ADGRL2: variants seen among roughly 807,000 people sequenced by gnomAD.
ADGRL2 encodes the protein calcium-independent alpha-latrotoxin receptor 2.
In ADGRL2, 44 loss-of-function variants were observed where a neutral mutation model predicts 157.4. The ratio of observed to expected loss-of-function variants is 0.28; its 90% CI spans 0.22 to 0.36. ADGRL2 has a LOEUF of 0.36. ADGRL2 is among the 10% of genes least tolerant of loss of function. ADGRL2 has a pLI of 1.00. For missense variants in ADGRL2, 1,510 were observed against 1,768.9 expected, an observed-to-expected ratio of 0.85 and a Z score of 2.63; for synonymous variants, 585 against 624.7, an observed-to-expected ratio of 0.94 and a Z score of 0.95.
chr1:81,804,564 T>G (rs2088822303), intron 1 of ADGRL2, among the ~76,000 whole-genome samples: 1 of 152,248 alleles, frequency 6.6e-6, no homozygotes, highest in East Asian at 1.9e-4. Context: ...GTTTCTGAAC[T>G]TTTACTGTTT....
At chr1:81,630,487 A>T (rs888583145) in intron 3 of ADGRL2, among the ~76,000 whole-genome samples, 9 of 152,184 alleles carry the variant, frequency 5.9e-5, no homozygotes, top group African/African-American at 1.7e-4. Flanking sequence ...GCAATTTTTT[A>T]AAAAAGGTGA....
At chr1:81,615,603 G>A (rs2081628421) in intron 3 of ADGRL2, among the ~76,000 whole-genome samples, 3 of 152,082 alleles carry the variant, frequency 2.0e-5, no homozygotes, top group Admixed American at 6.5e-5. Context: ...GAGGGTCTGC[G>A]GCTTCAATCT....
At chr1:81,849,208 T>G (rs116735263) in intron 2 of ADGRL2, among the ~76,000 whole-genome samples, 1 of 151,944 alleles carries the variant, frequency 6.6e-6, no homozygotes, top group African/African-American at 2.4e-5. Flanking sequence ...GTGGAAAACC[T>G]TCAGTGACAA....
At chr1:81,634,698 T>C (rs1467513495) in intron 3 of ADGRL2, among the ~76,000 whole-genome samples, 1 of 151,988 alleles carries the variant, frequency 6.6e-6, no homozygotes, top group Non-Finnish European at 1.5e-5. Flanking sequence ...TAATTTTGTA[T>C]TTTTAGTAGA....
chr1:81,371,861 T>C (rs2076166342), intron 1 of ADGRL2, among the ~76,000 whole-genome samples: 1 of 152,202 alleles, frequency 6.6e-6, no homozygotes, highest in Non-Finnish European at 1.5e-5. Context: ...TTGCTGGGAA[T>C]ATTGAAATAA....
At chr1:81,640,812 A>G (rs1374982704) in intron 3 of ADGRL2, among the ~76,000 whole-genome samples, 1 of 152,186 alleles carries the variant, frequency 6.6e-6, no homozygotes, top group Non-Finnish European at 1.5e-5. Flanking sequence ...ATCAGGAACT[A>G]GAGAGCACAG....
intron 2 of ADGRL2, among the ~76,000 whole-genome samples, chr1:81,773,059 A>T (rs1472840026): frequency 6.6e-6 from 1 of 152,196 alleles, no homozygotes; most frequent in Non-Finnish European, 1.5e-5. Context: ...GATGGTGCTT[A>T]TAGTGGGCAG....
At chr1:81,982,296 T>C (rs1661895590) in intron 19 of ADGRL2, among the ~76,000 whole-genome samples, 1 of 152,002 alleles carries the variant, frequency 6.6e-6, no homozygotes, top group Admixed American at 6.6e-5. Flanking sequence ...AACTCATTCT[T>C]TGCTCACTAA....
Position 81,402,497 on chromosome 1 carries a change from T to C in ADGRL2, c.-301-42539T>C, listed in dbSNP as rs1461425759. Among the ~76,000 whole-genome samples, 2 of 152,182 alleles carry C rather than the reference T, an allele frequency of 1.3e-5. 1 individual carries two copies. On this transcript the variant is annotated intron_variant, in intron 1 of 24. Transcript: ENST00000370721. ...CCATCAACCCTCTCGGTATACATTA[T>C]TCTAACCTATAGGTTCTAACCATAG...
intron 3 of ADGRL2, among the ~76,000 whole-genome samples, chr1:81,932,519 C>T (rs934861020): frequency 2.6e-5 from 4 of 152,158 alleles, no homozygotes; most frequent in African/African-American, 9.7e-5. Flanking sequence ...TTTTGCCATT[C>T]ATATTTATTC....
At chr1:81,517,100 T>C (rs2079195856) in intron 2 of ADGRL2, among the ~76,000 whole-genome samples, 1 of 152,106 alleles carries the variant, frequency 6.6e-6, no homozygotes, top group Non-Finnish European at 1.5e-5. Flanking sequence ...AAGAGTAGCT[T>C]AAACTAATAA....
chr1:81,905,744 C>T (rs917231132), intron 2 of ADGRL2, among the ~76,000 whole-genome samples: 1 of 151,942 alleles, frequency 6.6e-6, no homozygotes, highest in Non-Finnish European at 1.5e-5. Context: ...TGCAAATTGC[C>T]TCTGTATTTA....
chr1:81,776,434 G>A (rs567759099), intron 2 of ADGRL2, among the ~76,000 whole-genome samples: 13 of 152,200 alleles, frequency 8.5e-5, no homozygotes, highest in African/African-American at 2.6e-4. Context: ...TGATCTGCCC[G>A]CCTCGGCCTC....
intron 3 of ADGRL2, among the ~76,000 whole-genome samples, chr1:81,671,080 C>A (rs539700972): frequency 6.6e-6 from 1 of 152,280 alleles, no homozygotes; most frequent in South Asian, 2.1e-4. Context: ...CAAACGGAGG[C>A]CCCAGTTCAG....
At chr1:81,538,556 G>A (rs2079802257) in intron 2 of ADGRL2, among the ~76,000 whole-genome samples, 1 of 152,158 alleles carries the variant, frequency 6.6e-6, no homozygotes, top group Non-Finnish European at 1.5e-5. Context: ...AGACAAAATA[G>A]AGTAGTGAGA....
Position 81,981,876 on chromosome 1 carries a change from T to A in ADGRL2, c.3182T>A (p.Phe1061Tyr). Reference protein sequence around the residue: ...LGLTWSFGLLFINEETIVMAY... With the variant: ...LGLTWSFGLLYINEETIVMAY... ...CTCACCTGGTCCTTTGGGTTGCTTT[T>A]TATTAATGAGGAGACTATTGTGATG... The change falls in exon 19 of 24, where the codon TTT becomes TAT. Residue 1061 changes from phenylalanine (F) to tyrosine (Y), a missense_variant. By Grantham distance (22) the Phe-to-Tyr change is conservative. Around this residue, in one of 4 missense-constraint regions of ADGRL2, gnomAD observed 497 missense variants for 627.2 expected, o/e 0.79. Transcript: ENST00000686636. 1 of 1,612,596 alleles carries A rather than the reference T, an allele frequency of 6.2e-7. No homozygotes were observed. The highest frequency in any genetic ancestry group is 8.5e-7 in the Non-Finnish European group (1 of 1,178,998).
chr1:81,352,474 C>T (rs1386997697), intron 1 of ADGRL2, among the ~76,000 whole-genome samples: 2 of 152,098 alleles, frequency 1.3e-5, no homozygotes, highest in East Asian at 1.9e-4. Context: ...TAGTTTAAGT[C>T]TTAGGTCAGG....
intron 2 of ADGRL2, among the ~76,000 whole-genome samples, chr1:81,468,703 A>G (rs1490312325): frequency 2.6e-5 from 4 of 152,226 alleles, no homozygotes; most frequent in Non-Finnish European, 5.9e-5. Context: ...ATTTTTATGC[A>G]TATCCTGTGT....
chr1:81,626,978 A>G (rs1376787129), intron 3 of ADGRL2, among the ~76,000 whole-genome samples: 1 of 152,086 alleles, frequency 6.6e-6, no homozygotes, highest in Non-Finnish European at 1.5e-5. Context: ...GGGGCTAGAC[A>G]TGCTCTTTTT....
Sources: gnomAD v4.1 joint callset for allele counts (sites outside exome capture counted in the v4.1 genomes callset) on GRCh38, gnomAD v4.1.1 for gene constraint, gnomAD v4.1.1 regional missense constraint, MANE v1.5 for transcripts, NCBI Gene and HGNC (gene_info 2026-07-23, HGNC 2026-07-21) for gene names.